Variants in MDGA2 observed in about 807,000 individuals in gnomAD.
MDGA2 encodes MAM domain-containing glycosylphosphatidylinositol anchor protein 2.
Under a neutral mutation model 117.8 loss-of-function variants are expected in MDGA2, and 40 were observed. That is an observed-to-expected ratio of 0.34 (90% confidence interval 0.26 to 0.44). The LOEUF is 0.44. Among genes scored for constraint, MDGA2 ranks in the 20% least tolerant of loss-of-function variants. MDGA2 has a pLI of 1.00. For missense variants in MDGA2, 1,123 were observed against 1,250.6 expected, an observed-to-expected ratio of 0.90 and a Z score of 1.54; for synonymous variants, 452 against 439.0, an observed-to-expected ratio of 1.03 and a Z score of -0.37.
chr14:47,024,780 T>C (rs1441182631), intron 8 of MDGA2, among the ~76,000 whole-genome samples: 1 of 152,146 alleles, frequency 6.6e-6, no homozygotes, highest in Non-Finnish European at 1.5e-5. Context: ...ATCAAGGAGA[T>C]TTTATTTTAA....
intron 2 of MDGA2, among the ~76,000 whole-genome samples, chr14:47,286,046 G>T (rs1888659737): frequency 2.0e-5 from 3 of 151,854 alleles, no homozygotes; most frequent in Admixed American, 2.0e-4. Context: ...GTGTGTGTGT[G>T]TTTGCATTGT....
intron 1 of MDGA2, among the ~76,000 whole-genome samples, chr14:47,505,020 A>C (rs1466411608): frequency 1.3e-5 from 2 of 152,238 alleles, no homozygotes; most frequent in South Asian, 2.1e-4. Flanking sequence ...GCCATGAAAA[A>C]GAATGAAATC....
chr14:47,520,179 G>A (rs1594897233), intron 1 of MDGA2, among the ~76,000 whole-genome samples: 1 of 152,186 alleles, frequency 6.6e-6, no homozygotes, highest in African/African-American at 2.4e-5. Context: ...TTATTCTCAG[G>A]AGCCACTATG....
intron 9 of MDGA2, among the ~76,000 whole-genome samples, chr14:46,931,957 T>A (rs370611206): frequency 0.062 from 8,940 of 143,510 alleles, 352 homozygotes; most frequent in African/African-American, 0.11. Flanking sequence ...ATATCAAAAA[T>A]ATCGATGGAA....
At chr14:47,552,438 C>A (rs1373254172) in intron 1 of MDGA2, among the ~76,000 whole-genome samples, 1 of 152,208 alleles carries the variant, frequency 6.6e-6, no homozygotes, top group East Asian at 1.9e-4. Flanking sequence ...TATGTCCTTT[C>A]CATTGTTCAG....
At chr14:46,893,244 G>T (rs1882948840) in intron 10 of MDGA2, among the ~76,000 whole-genome samples, 1 of 151,850 alleles carries the variant, frequency 6.6e-6, no homozygotes, top group Admixed American at 6.6e-5. Flanking sequence ...AGCAGACCCA[G>T]AAATAAATAA....
chr14:47,081,165 T>G (rs565050950), intron 6 of MDGA2, among the ~76,000 whole-genome samples: 18 of 152,214 alleles, frequency 1.2e-4, no homozygotes, highest in African/African-American at 4.3e-4. Context: ...AAAATAGTAT[T>G]ACTTTCTGGT....
intron 1 of MDGA2, among the ~76,000 whole-genome samples, chr14:47,411,714 G>T (rs1030906580): frequency 5.9e-5 from 9 of 152,138 alleles, no homozygotes; most frequent in African/African-American, 1.7e-4. Context: ...TATGTGTAAA[G>T]CAGGCAGCTC....
intron 1 of MDGA2, among the ~76,000 whole-genome samples, chr14:47,456,280 A>T (rs527869107): frequency 1.4e-5 from 2 of 145,736 alleles, no homozygotes; most frequent in African/African-American, 5.1e-5. Context: ...AGTGTGAGCA[A>T]GAAAATTGTT....
chr14:47,063,222 TAA>T (rs990990790), intron 6 of MDGA2, among the ~76,000 whole-genome samples: 1 of 152,096 alleles, frequency 6.6e-6, no homozygotes. Flanking sequence ...GAAAATGCAC[TAA>T]GTTTTAATCT....
At chr14:46,956,443 C>T (rs1885564460) in intron 9 of MDGA2, among the ~76,000 whole-genome samples, 1 of 152,016 alleles carries the variant, frequency 6.6e-6, no homozygotes, top group Admixed American at 6.6e-5. Flanking sequence ...ATACTTCTCC[C>T]TAATTTACTA....
At chr14:47,407,497 C>G (rs937978553) in intron 1 of MDGA2, among the ~76,000 whole-genome samples, 1 of 151,972 alleles carries the variant, frequency 6.6e-6, no homozygotes, top group Non-Finnish European at 1.5e-5. Context: ...TATAGAATTC[C>G]ATGATATCTT....
At chr14:46,963,770 A>G (rs1885903896) in intron 8 of MDGA2, among the ~76,000 whole-genome samples, 1 of 152,182 alleles carries the variant, frequency 6.6e-6, no homozygotes, top group South Asian at 2.1e-4. Context: ...TTGTTTATGT[A>G]AGCTCCATTA....
At chr14:47,178,925 G>A (rs1471623437) in intron 3 of MDGA2, among the ~76,000 whole-genome samples, 1 of 152,072 alleles carries the variant, frequency 6.6e-6, no homozygotes, top group South Asian at 2.1e-4. Context: ...GTAGGTATAA[G>A]AGAACAAGGT....
At chr14:47,404,658 C>A (rs888328381) in intron 1 of MDGA2, among the ~76,000 whole-genome samples, 8 of 151,960 alleles carry the variant, frequency 5.3e-5, no homozygotes, top group Non-Finnish European at 8.8e-5. Context: ...CCACATATTG[C>A]TAAGTTTTTA....
intron 3 of MDGA2, among the ~76,000 whole-genome samples, chr14:47,212,040 G>A (rs1020769619): frequency 4.6e-5 from 7 of 152,080 alleles, no homozygotes; most frequent in Non-Finnish European, 7.4e-5. Context: ...GACACTCAAT[G>A]AATGACGTAA....
At chr14:47,551,329 C>T (rs944544765) in intron 1 of MDGA2, among the ~76,000 whole-genome samples, 3 of 152,084 alleles carry the variant, frequency 2.0e-5, no homozygotes, top group Admixed American at 6.5e-5. Context: ...ATAACTGAAG[C>T]CTGTTCTTTG....
intron 1 of MDGA2, among the ~76,000 whole-genome samples, chr14:47,396,796 T>A (rs1892020311): frequency 6.6e-6 from 1 of 152,134 alleles, no homozygotes; most frequent in Non-Finnish European, 1.5e-5. Context: ...TACCATCTCA[T>A]GCCGGTTAGA....
intron 5 of MDGA2, among the ~76,000 whole-genome samples, chr14:47,103,981 A>G (rs1880489448): frequency 6.6e-6 from 1 of 152,332 alleles, no homozygotes; most frequent in East Asian, 1.9e-4. Context: ...TTACAACTTA[A>G]CAAGAAGAGA....
Sources: gnomAD v4.1 joint callset for allele counts (sites outside exome capture counted in the v4.1 genomes callset) on GRCh38, gnomAD v4.1.1 for gene constraint, MANE v1.5 for transcripts, NCBI Gene and HGNC (gene_info 2026-07-23, HGNC 2026-07-21) for gene names.